The following MAGI2 variants were observed in gnomAD, a reference collection of about 807,000 sequenced individuals.
MAGI2 encodes membrane associated guanylate kinase, WW and PDZ domain containing 2.
In MAGI2, 35 loss-of-function variants were observed where a neutral mutation model predicts 133.3. The observed-to-expected ratio is 0.26, with a 90% CI of 0.20 to 0.35. MAGI2 has a LOEUF of 0.35. Ranked by LOEUF, MAGI2 falls within the 10% of genes least tolerant of loss-of-function variation. MAGI2 has a pLI of 1.00. For synonymous variants in MAGI2, 729 were observed against 710.6 expected (o/e 1.03, Z -0.41); for missense variants, 1,636 against 1,863.4 (o/e 0.88, Z 2.25).
intron 1 of MAGI2, among the ~76,000 whole-genome samples, chr7:79,136,113 G>GAAAGAA (rs1821533819): frequency 6.7e-6 from 1 of 149,954 alleles, no homozygotes; most frequent in African/African-American, 2.5e-5. Context: ...AAGAAAGAAA[G>GAAAGAA]AAAGAAAGAA....
intron 2 of MAGI2, among the ~76,000 whole-genome samples, chr7:78,639,283 T>C (rs544229320): frequency 6.6e-6 from 1 of 152,232 alleles, no homozygotes; most frequent in South Asian, 2.1e-4. Flanking sequence ...TCCAGGGATT[T>C]CAATTATATT....
At chr7:78,838,402 T>C (rs1481133985) in intron 2 of MAGI2, among the ~76,000 whole-genome samples, 1 of 152,050 alleles carries the variant, frequency 6.6e-6, no homozygotes, top group African/African-American at 2.4e-5. Flanking sequence ...ATATCACTGT[T>C]ACACCAACTG....
At chr7:78,548,141 G>T (rs1326860467) in intron 3 of MAGI2, among the ~76,000 whole-genome samples, 1 of 152,190 alleles carries the variant, frequency 6.6e-6, no homozygotes, top group Admixed American at 6.5e-5. Flanking sequence ...TCCCATTTGA[G>T]GCATTACAGT....
chr7:78,083,391 A>G (rs1426654244), intron 20 of MAGI2, among the ~76,000 whole-genome samples: 186 of 13,028 alleles, frequency 0.014, no homozygotes, highest in Non-Finnish European at 0.024. Flanking sequence ...AGGGGGGGAG[A>G]GAGAGAGAGA....
At chr7:78,691,370 G>C (rs1816936521) in intron 2 of MAGI2, among the ~76,000 whole-genome samples, 1 of 152,182 alleles carries the variant, frequency 6.6e-6, no homozygotes, top group African/African-American at 2.4e-5. Flanking sequence ...TTATTGCAGG[G>C]TCTGGCATGC....
At chr7:79,209,114 G>A (rs1193416234) in intron 1 of MAGI2, among the ~76,000 whole-genome samples, 1 of 151,868 alleles carries the variant, frequency 6.6e-6, no homozygotes, top group Non-Finnish European at 1.5e-5. Context: ...GTACAACATG[G>A]TGATTGTATT....
chr7:79,017,939 A>G (rs1305905750), intron 1 of MAGI2, among the ~76,000 whole-genome samples: 2 of 152,180 alleles, frequency 1.3e-5, no homozygotes, highest in Non-Finnish European at 1.5e-5. Flanking sequence ...GATTCTGGAA[A>G]GAGACCCAGT....
intron 10 of MAGI2, among the ~76,000 whole-genome samples, chr7:78,228,202 C>A (rs1181313443): frequency 6.6e-6 from 1 of 152,200 alleles, no homozygotes; most frequent in Non-Finnish European, 1.5e-5. Context: ...AGCTCAAGAG[C>A]CATACAAAAG....
intron 3 of MAGI2, among the ~76,000 whole-genome samples, chr7:78,527,006 CAAAAAAAAAA>C (rs55707442): frequency 2.0e-4 from 9 of 45,430 alleles, no homozygotes; most frequent in African/African-American, 5.5e-4. Context: ...GACTCCATCT[CAAAAAAAAAA>C]AAAAAAAAAA....
intron 1 of MAGI2, among the ~76,000 whole-genome samples, chr7:79,169,870 T>A (rs920210023): frequency 4.7e-4 from 72 of 152,102 alleles, no homozygotes; most frequent in African/African-American, 1.5e-3. Flanking sequence ...TTTTTTTTTG[T>A]CTTTTTAACT....
chr7:78,426,486 T>C (rs1254215568), intron 6 of MAGI2, among the ~76,000 whole-genome samples: 3 of 151,970 alleles, frequency 2.0e-5, no homozygotes, highest in Admixed American at 1.3e-4. Context: ...GGGATAGCAT[T>C]GGGAGATATA....
intron 9 of MAGI2, among the ~76,000 whole-genome samples, chr7:78,342,282 G>C (rs979344922): frequency 6.6e-6 from 1 of 152,134 alleles, no homozygotes; most frequent in African/African-American, 2.4e-5. Flanking sequence ...TTAGAATGGT[G>C]ATCATTAAAA....
At chr7:78,155,622 A>AAAAAACAAC (rs1255150378) in intron 16 of MAGI2, among the ~76,000 whole-genome samples, 1 of 152,260 alleles carries the variant, frequency 6.6e-6, no homozygotes. Flanking sequence ...ACCATGGCTC[A>AAAAAACAAC]AAAAACAACA....
intron 1 of MAGI2, among the ~76,000 whole-genome samples, chr7:79,383,570 TA>T (rs1259075811): frequency 6.6e-6 from 1 of 151,548 alleles, no homozygotes; most frequent in Admixed American, 6.6e-5. Flanking sequence ...AAAAAGTTTA[TA>T]AAATATTTAA....
intron 6 of MAGI2, among the ~76,000 whole-genome samples, chr7:78,400,675 T>G (rs759142362): frequency 6.6e-6 from 1 of 152,184 alleles, no homozygotes; most frequent in Non-Finnish European, 1.5e-5. Context: ...CTGAGACAAA[T>G]TTAGCCTACT....
chr7:78,409,869 AT>A (rs1222659281), intron 6 of MAGI2, among the ~76,000 whole-genome samples: 1 of 152,112 alleles, frequency 6.6e-6, no homozygotes, highest in East Asian at 1.9e-4. Flanking sequence ...CAAATTTGTT[AT>A]TCAATTAAAC....
At chr7:78,292,182 C>G (rs1286772697) in intron 9 of MAGI2, among the ~76,000 whole-genome samples, 2 of 152,128 alleles carry the variant, frequency 1.3e-5, no homozygotes, top group Non-Finnish European at 2.9e-5. Context: ...ACTTAGAAAA[C>G]CCCATTGTCT....
chr7:78,196,265 C>A (rs1828723617), intron 11 of MAGI2, among the ~76,000 whole-genome samples: 1 of 152,034 alleles, frequency 6.6e-6, no homozygotes, highest in Non-Finnish European at 1.5e-5. Flanking sequence ...GTCCCTCCTG[C>A]CCCTCGCACC....
At chr7:79,358,278 G>T (rs2129118966) in intron 1 of MAGI2, among the ~76,000 whole-genome samples, 1 of 152,116 alleles carries the variant, frequency 6.6e-6, no homozygotes, top group Admixed American at 6.5e-5. Flanking sequence ...TTAATGTTGT[G>T]TAAATACAAA....
Sources: gnomAD v4.1 joint callset for allele counts (sites outside exome capture counted in the v4.1 genomes callset) on GRCh38, gnomAD v4.1.1 for gene constraint, MANE v1.5 for transcripts, NCBI Gene and HGNC (gene_info 2026-07-23, HGNC 2026-07-21) for gene names.